HOXC4: variants seen among roughly 807,000 people sequenced by gnomAD.
The protein encoded by HOXC4 is homeobox C4.
A neutral mutation model predicts 25.5 loss-of-function variants in HOXC4; 15 were observed. The ratio of observed to expected loss-of-function variants is 0.59; its 90% confidence interval spans 0.39 to 0.91. The LOEUF is 0.91. Ranked by LOEUF, HOXC4 falls within the 40% of genes least tolerant of loss-of-function variation. HOXC4 has a pLI of 0.00. For missense variants in HOXC4, 342 were observed against 352.4 expected, an observed-to-expected ratio of 0.97 and a Z score of 0.24; for synonymous variants, 165 against 148.0, an observed-to-expected ratio of 1.11 and a Z score of -0.83.
intron 1 of HOXC4, chr12:54,030,020 C>T (rs1221049438): frequency 1.4e-6 from 2 of 1,390,012 alleles, no homozygotes; most frequent in Middle Eastern, 1.8e-4. Context: ...ACCAACTCTC[C>T]CCTAATCACA....
chr12:54,025,604 TC>T (rs1372243185), intron 1 of HOXC4, among the ~76,000 whole-genome samples: 2 of 151,862 alleles, frequency 1.3e-5, no homozygotes, highest in Non-Finnish European at 2.9e-5. Flanking sequence ...TATTTCTGTT[TC>T]CCCTTCTCTC....
intron 1 of HOXC4, among the ~76,000 whole-genome samples, chr12:54,042,844 A>G (rs1941296597): frequency 6.6e-6 from 1 of 152,162 alleles, no homozygotes; most frequent in South Asian, 2.1e-4. Context: ...TGTGACCCAC[A>G]TTGGTGTGTC....
chr12:54,048,769 T>C (rs1937778985), intron 1 of HOXC4, among the ~76,000 whole-genome samples: 2 of 152,172 alleles, frequency 1.3e-5, no homozygotes, highest in African/African-American at 2.4e-5. Context: ...TTAAAAGTGT[T>C]TCCAGCTTCC....
At chr12:54,036,668 G>A (rs755120495) in intron 1 of HOXC4, among the ~76,000 whole-genome samples, 1 of 146,844 alleles carries the variant, frequency 6.8e-6, no homozygotes, top group East Asian at 1.9e-4. Context: ...AGTTAACCCA[G>A]ACCAGTGCTC....
At chr12:54,029,400 C>A in intron 1 of HOXC4, among the ~76,000 whole-genome samples, 1 of 74,442 alleles carries the variant, frequency 1.3e-5, no homozygotes, top group African/African-American at 6.6e-5. Flanking sequence ...TGCCTTTTGC[C>A]CCGCCCCCCC....
intron 1 of HOXC4, chr12:54,033,711 A>G: frequency 1.3e-6 from 1 of 767,588 alleles, no homozygotes; most frequent in South Asian, 1.9e-5. Context: ...ACTGTCCACT[A>G]AAAGGCTTAG....
At chr12:54,048,792 A>C (rs1008181634) in intron 1 of HOXC4, among the ~76,000 whole-genome samples, 1 of 152,174 alleles carries the variant, frequency 6.6e-6, no homozygotes, top group African/African-American at 2.4e-5. Context: ...TCATCTCTTT[A>C]ATACTGGGAG....
chr12:54,033,383 C>A (rs751557222), intron 1 of HOXC4: 2 of 1,613,022 alleles, frequency 1.2e-6, no homozygotes, highest in East Asian at 4.5e-5. Flanking sequence ...ACGCTCCGGG[C>A]AGAGACGAAG....
At chr12:54,041,327 C>T (rs1941268256) in intron 1 of HOXC4, among the ~76,000 whole-genome samples, 1 of 152,264 alleles carries the variant, frequency 6.6e-6, no homozygotes, top group Non-Finnish European at 1.5e-5. Context: ...CTCCCCCAGC[C>T]ACTTCTCTAG....
At chr12:54,036,228 T>G (rs1380590840) in intron 1 of HOXC4, among the ~76,000 whole-genome samples, 3 of 152,038 alleles carry the variant, frequency 2.0e-5, no homozygotes, top group Non-Finnish European at 2.9e-5. Flanking sequence ...GAAACAAATG[T>G]GGGAAGGGTC....
At chr12:54,030,738 C>A (rs1257449851) in intron 1 of HOXC4, 1 of 152,612 alleles carries the variant, frequency 6.6e-6, no homozygotes, top group African/African-American at 2.4e-5. Context: ...ATAAATAAAT[C>A]CCTTCGTGTT....
chr12:54,036,987 C>G (rs569726021), intron 1 of HOXC4, among the ~76,000 whole-genome samples: 3 of 152,198 alleles, frequency 2.0e-5, no homozygotes, highest in African/African-American at 7.2e-5. Flanking sequence ...CCAGCCCCAC[C>G]GTGCACTGAC....
At chr12:54,049,792 ACACACAC>A (rs1937803490), upstream of HOXC4, among the ~76,000 whole-genome samples, 1 of 145,052 alleles carries the variant, frequency 6.9e-6, no homozygotes, top group Non-Finnish European at 1.5e-5. Flanking sequence ...ACACACACAC[ACACACAC>A]GAAAAAAATG....
intron 1 of HOXC4, among the ~76,000 whole-genome samples, chr12:54,032,509 C>G (rs1941024339): frequency 6.6e-6 from 1 of 152,254 alleles, no homozygotes. Context: ...ACTTAATCCC[C>G]TTTCCTCAGC....
rs914953333 is a variant in HOXC4 at position 54,017,978 on chromosome 12, G to A, written c.-124+564G>A. On this transcript the variant is annotated intron_variant, in intron 1 of 3. Transcript: ENST00000303406. The stretch of plus-strand genomic sequence containing the variant: ...AGTGTGGGCCCAGGGCCGGGCCGCC[G>A]AGCAGGAAGCCGGCGCAGCTAGGCG... Among the ~76,000 whole-genome samples the A allele has an allele frequency of 5.3e-5, 8 of 152,316 alleles. 1 individual carries two copies. Among genetic ancestry groups the A allele is most frequent in the South Asian group, 4.1e-4 (2 of 4,826 alleles).
chr12:54,028,619 CAGTG>C, intron 1 of HOXC4: 1 of 1,614,162 alleles, frequency 6.2e-7, no homozygotes, highest in Non-Finnish European at 8.5e-7. Flanking sequence ...GCCTATGATC[CAGTG>C]AGGCATTTCT....
At chr12:54,051,272 C>T (rs1020685687), upstream of HOXC4, among the ~76,000 whole-genome samples, 6 of 151,934 alleles carry the variant, frequency 3.9e-5, no homozygotes, top group African/African-American at 1.2e-4. Context: ...TTCATCAACC[C>T]TCTCCACATG....
chr12:54,036,993 C>A (rs765183117), intron 1 of HOXC4, among the ~76,000 whole-genome samples: 1 of 152,234 alleles, frequency 6.6e-6, no homozygotes, highest in East Asian at 1.9e-4. Flanking sequence ...CCACCGTGCA[C>A]TGACTGCCTC....
chr12:54,040,178 G>C lies in HOXC4; in HGVS notation c.-123-12982G>C, dbSNP rs569089430. On this transcript the variant is annotated intron_variant, in intron 1 of 3. Transcript: ENST00000303406. Reference sequence around the variant, plus strand: ...CCCTAATTTGGAGTGTCTCTGGAGCGGAGGGTGGGCAGGCAATCAGGTGCC... The same window carrying C: ...CCCTAATTTGGAGTGTCTCTGGAGCCGAGGGTGGGCAGGCAATCAGGTGCC... 1.1e-4 allele frequency among the ~76,000 whole-genome samples: 17 copies of C among 152,262 alleles called. 1 individual carries two copies. In the South Asian group the frequency reaches 3.5e-3, roughly 32 times the overall value.
Sources: allele counts gnomAD v4.1 joint callset (sites outside exome capture counted in the v4.1 genomes callset), GRCh38; gene constraint gnomAD v4.1.1; transcripts MANE v1.5; gene names NCBI Gene and HGNC (gene_info 2026-07-23, HGNC 2026-07-21).